COG5: variants seen among roughly 807,000 people sequenced by gnomAD.
COG5 encodes the protein component of oligomeric golgi complex 5.
In COG5, 86 loss-of-function variants were observed where a neutral mutation model predicts 110.4. The observed-to-expected ratio is 0.78, with a 90% CI of 0.65 to 0.93. The LOEUF is 0.93. Among genes scored for constraint, COG5 ranks in the 40% least tolerant of loss-of-function variants. The pLI, the probability that COG5 is intolerant of heterozygous loss-of-function variation, is 0.00. For missense variants in COG5, 1,077 were observed against 987.0 expected, an observed-to-expected ratio of 1.09 and a Z score of -1.22; for synonymous variants, 360 against 334.6, an observed-to-expected ratio of 1.08 and a Z score of -0.83.
At chr7:107,381,797 T>C (rs1815145313) in intron 7 of COG5, among the ~76,000 whole-genome samples, 1 of 152,344 alleles carries the variant, frequency 6.6e-6, no homozygotes, top group African/African-American at 2.4e-5. Context: ...GGTTGGAATA[T>C]TGCTGACCTT....
intron 6 of COG5, among the ~76,000 whole-genome samples, chr7:107,461,234 TA>T (rs1172613784): frequency 1.3e-5 from 2 of 151,826 alleles, no homozygotes; most frequent in Non-Finnish European, 2.9e-5. Flanking sequence ...TCTAAAAAGG[TA>T]GTACTATCAA....
chr7:107,539,424 T>C (rs1218014439), intron 5 of COG5, among the ~76,000 whole-genome samples: 1 of 152,144 alleles, frequency 6.6e-6, no homozygotes, highest in East Asian at 1.9e-4. Context: ...CTTGAAAACA[T>C]TACATTAAGA....
At chr7:107,398,905 A>C (rs1329964259) in intron 7 of COG5, among the ~76,000 whole-genome samples, 3 of 152,182 alleles carry the variant, frequency 2.0e-5, no homozygotes, top group Non-Finnish European at 4.4e-5. Context: ...CATCTGTATA[A>C]ATTTACTAAA....
intron 6 of COG5, among the ~76,000 whole-genome samples, chr7:107,508,628 C>A (rs548996808): frequency 6.6e-6 from 1 of 152,324 alleles, no homozygotes; most frequent in Non-Finnish European, 1.5e-5. Context: ...GGAGGCACCC[C>A]CCAGTAGGGG....
chr7:107,351,266 A>C lies in COG5; in HGVS notation c.1026+10767T>G, dbSNP rs550193140. 1.3e-4 allele frequency among the ~76,000 whole-genome samples: 20 copies of C among 152,288 alleles called. 1 individual carries two copies. In the South Asian group the frequency reaches 2.1e-3, roughly 16 times the overall value. On this transcript the variant is annotated intron_variant, in intron 10 of 21. Transcript: ENST00000297135. ...AAACTGGCTAGCCATATGTAGAAAG[A>C]TGAAACTGGATCCCTTCCTTACACC...
chr7:107,517,289 T>C (rs980576052), intron 6 of COG5, among the ~76,000 whole-genome samples: 11 of 151,272 alleles, frequency 7.3e-5, no homozygotes, highest in Non-Finnish European at 1.5e-4. Context: ...CAGACAAGAT[T>C]AGAGAAAAAA....
chr7:107,419,568 ATT>A (rs879883219), intron 6 of COG5, among the ~76,000 whole-genome samples: 9 of 143,660 alleles, frequency 6.3e-5, no homozygotes, highest in Non-Finnish European at 7.7e-5. Flanking sequence ...GAATTTATAG[ATT>A]TTTTTTTTTT....
intron 3 of COG5, among the ~76,000 whole-genome samples, chr7:107,551,524 T>C (rs1365155888): frequency 2.0e-5 from 3 of 152,242 alleles, no homozygotes; most frequent in Non-Finnish European, 4.4e-5. Context: ...TTCTAATATG[T>C]ATACACACCA....
At chr7:107,507,297 C>CTTTTT (rs10713224) in intron 6 of COG5, among the ~76,000 whole-genome samples, 1 of 131,606 alleles carries the variant, frequency 7.6e-6, no homozygotes. Context: ...CTTTTCTTTT[C>CTTTTT]TTTTTTTTTT....
intron 6 of COG5, among the ~76,000 whole-genome samples, chr7:107,452,578 C>T (rs4730246): frequency 2.5e-4 from 38 of 152,206 alleles, no homozygotes; most frequent in Admixed American, 5.9e-4. Context: ...GTTTTAAAAA[C>T]GGGAGTTTCC....
At chr7:107,261,196 A>G (rs1417382662) in intron 14 of COG5, among the ~76,000 whole-genome samples, 5 of 152,172 alleles carry the variant, frequency 3.3e-5, no homozygotes, top group African/African-American at 1.2e-4. Context: ...GGACCTATGC[A>G]ACTGTAATCT....
At chr7:107,275,025 C>G (rs1180076245) in intron 14 of COG5, among the ~76,000 whole-genome samples, 2 of 152,056 alleles carry the variant, frequency 1.3e-5, no homozygotes, top group African/African-American at 2.4e-5. Context: ...CTACTGGGCT[C>G]AAAGCAATCC....
intron 6 of COG5, among the ~76,000 whole-genome samples, chr7:107,465,091 A>G (rs1431715968): frequency 6.6e-6 from 1 of 152,162 alleles, no homozygotes; most frequent in East Asian, 1.9e-4. Flanking sequence ...TTCTCCCAAC[A>G]CACTCCCATT....
intron 6 of COG5, among the ~76,000 whole-genome samples, chr7:107,491,694 C>G (rs556793869): frequency 1.2e-4 from 18 of 152,258 alleles, no homozygotes; most frequent in Admixed American, 7.2e-4. Flanking sequence ...AACAGCTCAA[C>G]ATTCCTTTCA....
chr7:107,461,060 A>T (rs1795961006), intron 6 of COG5, among the ~76,000 whole-genome samples: 1 of 152,160 alleles, frequency 6.6e-6, no homozygotes, highest in African/African-American at 2.4e-5. Context: ...ACATTTTCAA[A>T]ATTGGAGAAA....
chr7:107,417,545 A>T (rs1792950965), intron 6 of COG5, among the ~76,000 whole-genome samples: 1 of 152,126 alleles, frequency 6.6e-6, no homozygotes, highest in Non-Finnish European at 1.5e-5. Flanking sequence ...AATATCCAGA[A>T]TTATTTTCTT....
chr7:107,369,957 C>T (rs1389727848), intron 8 of COG5, among the ~76,000 whole-genome samples: 2 of 152,126 alleles, frequency 1.3e-5, no homozygotes, highest in Non-Finnish European at 2.9e-5. Context: ...TATCTTCTCA[C>T]ATGCTTATTG....
At chr7:107,465,671 AG>A (rs1796252672) in intron 6 of COG5, among the ~76,000 whole-genome samples, 1 of 152,220 alleles carries the variant, frequency 6.6e-6, no homozygotes, top group African/African-American at 2.4e-5. Flanking sequence ...CAGTGATTAC[AG>A]TCTTTAAGAA....
At chr7:107,204,593 G>A (rs1353530653) in intron 21 of COG5, among the ~76,000 whole-genome samples, 1 of 152,148 alleles carries the variant, frequency 6.6e-6, no homozygotes, top group Non-Finnish European at 1.5e-5. Context: ...GCTCACATAC[G>A]ATAGCACTTA....
Sources: allele counts gnomAD v4.1 joint callset (sites outside exome capture counted in the v4.1 genomes callset), GRCh38; gene constraint gnomAD v4.1.1; transcripts MANE v1.5; gene names NCBI Gene and HGNC (gene_info 2026-07-23, HGNC 2026-07-21).